Variants in ATG10 observed in about 807,000 individuals in gnomAD.
ATG10 encodes ubiquitin-like-conjugating enzyme ATG10.
A neutral mutation model predicts 32.1 loss-of-function variants in ATG10; 30 were observed. The observed-to-expected ratio is 0.94, with a 90% CI of 0.70 to 1.27. The LOEUF is 1.27. Ranked by LOEUF, ATG10 falls within the 50% of genes most tolerant of loss-of-function variation. ATG10 has a pLI of 0.00. For synonymous variants in ATG10, 87 were observed against 91.5 expected, an observed-to-expected ratio of 0.95 and a Z score of 0.28; for missense variants, 233 against 262.3, an observed-to-expected ratio of 0.89 and a Z score of 0.77.
chr5:82,178,433 C>T, intron 4 of ATG10, 57 bp from the exon 5 acceptor site: 1 of 1,033,862 alleles, frequency 9.7e-7, no homozygotes, highest in African/African-American at 1.6e-5. Context: ...AGATTGACAC[C>T]AAGCACCATT....
At chr5:82,164,892 G>T (rs529729310) in intron 4 of ATG10, among the ~76,000 whole-genome samples, 1 of 152,324 alleles carries the variant, frequency 6.6e-6, no homozygotes, top group South Asian at 2.1e-4. Flanking sequence ...TTTAATCTCA[G>T]ATGATCCAAT....
rs757803963 is a variant in ATG10, at chr5:82,256,106, G to A, written c.*2043G>A. Reference sequence around the variant, plus strand: ...CATTTCTCAAGCCATGTCATTTCTAGTGTAAAATAAATTATAATAATGTGT... The same window carrying A: ...CATTTCTCAAGCCATGTCATTTCTAATGTAAAATAAATTATAATAATGTGT... On this transcript the variant is annotated 3_prime_UTR_variant, in exon 8 of 8. Coordinates refer to ENST00000282185, the MANE Select transcript of ATG10 (RefSeq NM_031482.5). The A allele has an allele frequency of 6.6e-6, 1 of 152,264 alleles. No individual in the cohort carries two copies. Among genetic ancestry groups the A allele is most frequent in the South Asian group, 2.1e-4 (1 of 4,826 alleles). 9.4% of individuals were successfully genotyped at this position (152,264 alleles called of 1,614,324 possible). A position where few individuals can be genotyped will look rare whatever the true frequency, so the allele number is the denominator to read the frequency against.
At chr5:82,081,718 A>G (rs1232495904) in intron 3 of ATG10, among the ~76,000 whole-genome samples, 2 of 152,192 alleles carry the variant, frequency 1.3e-5, no homozygotes, top group Non-Finnish European at 2.9e-5. Context: ...CCACTTGATC[A>G]TGGTGGATAA....
chr5:82,114,295 C>T (rs1729053956), intron 3 of ATG10, among the ~76,000 whole-genome samples: 1 of 151,974 alleles, frequency 6.6e-6, no homozygotes, highest in African/African-American at 2.4e-5. Context: ...GTTCTTTCTT[C>T]CTTGTTACTT....
intron 3 of ATG10, among the ~76,000 whole-genome samples, chr5:82,113,862 A>G (rs1245029553): frequency 1.3e-5 from 2 of 151,868 alleles, no homozygotes; most frequent in African/African-American, 2.4e-5. Context: ...TTACTGGTTT[A>G]TGAGATTTTT....
intron 3 of ATG10, among the ~76,000 whole-genome samples, chr5:82,150,947 G>A (rs1368682240): frequency 1.3e-5 from 2 of 152,178 alleles, no homozygotes; most frequent in Admixed American, 1.3e-4. Context: ...AGATCAGAGG[G>A]CTGGATTTAA....
chr5:82,118,608 T>G (rs1205971789), intron 3 of ATG10, among the ~76,000 whole-genome samples: 1 of 151,798 alleles, frequency 6.6e-6, no homozygotes, highest in Non-Finnish European at 1.5e-5. Context: ...GATAATGGAT[T>G]ATATTTTGGA....
rs1762077210 is a variant in ATG10 at position 82,009,722 on chromosome 5, G to A, written c.108+22044G>A. 5.0e-6 allele frequency: 8 copies of A among 1,591,766 alleles called. No individual in the cohort carries two copies. In the South Asian group the frequency reaches 6.6e-5, roughly 13 times the overall value. On this transcript the variant is annotated intron_variant, in intron 2 of 7. Coordinates refer to ENST00000282185, the MANE Select transcript of ATG10 (RefSeq NM_031482.5). ...TCACTTTGCCACAGATCACATGCAT[G>A]CCATCCAACCACTCAGTCTTGGCAG...
intron 2 of ATG10, among the ~76,000 whole-genome samples, chr5:82,011,366 A>C (rs1015542302): frequency 1.3e-5 from 2 of 152,052 alleles, no homozygotes; most frequent in African/African-American, 4.8e-5. Context: ...GCCCATCACC[A>C]TTCTTTTTGT....
chr5:82,204,063 G>C (rs1745189610), intron 5 of ATG10, among the ~76,000 whole-genome samples: 1 of 152,066 alleles, frequency 6.6e-6, no homozygotes, highest in African/African-American at 2.4e-5. Context: ...AAAGAGCTAT[G>C]GAAATAAATA....
At chr5:82,188,744 C>T (rs752088298) in intron 5 of ATG10, among the ~76,000 whole-genome samples, 1 of 151,942 alleles carries the variant, frequency 6.6e-6, no homozygotes, top group East Asian at 1.9e-4. Context: ...TACACTTACC[C>T]GTGTATGTTT....
chr5:82,056,319 A>G (rs969178568), intron 2 of ATG10, among the ~76,000 whole-genome samples: 7 of 151,912 alleles, frequency 4.6e-5, no homozygotes, highest in Non-Finnish European at 8.8e-5. Context: ...CTAGTTTCAG[A>G]TATGGTTGGT....
intron 4 of ATG10, among the ~76,000 whole-genome samples, chr5:82,169,701 C>T (rs1393543224): frequency 6.6e-6 from 1 of 152,020 alleles, no homozygotes; most frequent in African/African-American, 2.4e-5. Context: ...TAGCCAAGGT[C>T]ATGATAATGA....
intron 2 of ATG10, among the ~76,000 whole-genome samples, chr5:82,024,091 T>G (rs1007663903): frequency 6.6e-6 from 1 of 152,212 alleles, no homozygotes; most frequent in African/African-American, 2.4e-5. Context: ...TATATGAGAC[T>G]GCAGCCCTAT....
intron 5 of ATG10, among the ~76,000 whole-genome samples, chr5:82,205,523 C>T (rs1745255557): frequency 6.6e-6 from 1 of 152,056 alleles, no homozygotes; most frequent in African/African-American, 2.4e-5. Flanking sequence ...GGATGACTTC[C>T]ATTTTAACAG....
At chr5:82,064,596 A>T (rs1763882762) in intron 3 of ATG10, among the ~76,000 whole-genome samples, 1 of 152,154 alleles carries the variant, frequency 6.6e-6, no homozygotes, top group African/African-American at 2.4e-5. Flanking sequence ...TTCATGTATT[A>T]ACATTTTAAT....
intron 2 of ATG10, among the ~76,000 whole-genome samples, chr5:81,988,325 G>T (rs1761350174): frequency 6.6e-6 from 1 of 151,930 alleles, no homozygotes; most frequent in African/African-American, 2.4e-5. Flanking sequence ...TTTTAGTAGA[G>T]ATGGGGTTTT....
intron 2 of ATG10, among the ~76,000 whole-genome samples, chr5:82,042,319 A>C (rs1763109177): frequency 1.3e-5 from 2 of 152,120 alleles, no homozygotes; most frequent in Admixed American, 6.5e-5. Context: ...GTGAGAATTC[A>C]CTCACTATCA....
intron 5 of ATG10, among the ~76,000 whole-genome samples, chr5:82,236,743 C>T (rs547246706): frequency 6.6e-6 from 1 of 152,268 alleles, no homozygotes; most frequent in African/African-American, 2.4e-5. Context: ...TTCCTAAACA[C>T]CATTAGACAT....
Sources: allele counts gnomAD v4.1 joint callset (sites outside exome capture counted in the v4.1 genomes callset), GRCh38; gene constraint gnomAD v4.1.1; transcripts MANE v1.5; gene names NCBI Gene and HGNC (gene_info 2026-07-23, HGNC 2026-07-21).